The following EPCAM variants were observed in gnomAD, a reference collection of about 807,000 sequenced individuals.
The protein encoded by EPCAM is adenocarcinoma-associated antigen.
Under a neutral mutation model 40.0 loss-of-function variants are expected in EPCAM, and 39 were observed. That is an observed-to-expected ratio of 0.98 (90% CI 0.76 to 1.27). The LOEUF (loss-of-function observed/expected upper bound fraction) is 1.27. Ranked by LOEUF, EPCAM falls within the 50% of genes most tolerant of loss-of-function variation. The pLI, the probability that EPCAM is intolerant of heterozygous loss-of-function variation, is 0.00. For missense variants in EPCAM, 503 were observed against 381.2 expected (o/e 1.32, Z -2.66); for synonymous variants, 168 against 132.3 (o/e 1.27, Z -1.85).
Position 47,382,212 on chromosome 2 carries a change from C to T in EPCAM, c.858+2243C>T, listed in dbSNP as rs188787388. 1.4e-3 allele frequency among the ~76,000 whole-genome samples: 216 copies of T among 152,082 alleles called. No homozygotes were observed. The Middle Eastern group carries it at 0.044, about 31-fold the overall frequency. On this transcript the variant is annotated intron_variant, in intron 7 of 8. Transcript: ENST00000263735. ...ATACATAATATACAAAGAGTTCTTACAAATTGATGAGGAAACCTAAAGAAA... is the reference window on the plus strand; with the variant it reads ...ATACATAATATACAAAGAGTTCTTATAAATTGATGAGGAAACCTAAAGAAA...
At chr2:47,373,139 A>G (rs994670736) in intron 1 of EPCAM, among the ~76,000 whole-genome samples, 1 of 146,346 alleles carries the variant, frequency 6.8e-6, no homozygotes, top group African/African-American at 2.5e-5. Flanking sequence ...CTGTAGGTCC[A>G]TGCTGCAGTA....
Position 47,379,046 on chromosome 2 carries a change from G to T in EPCAM, c.649G>T (p.Glu217Ter). 6.4e-7 allele frequency: 1 copy of T among 1,552,060 alleles called. No homozygotes were observed. Residue 217 changes from glutamate (E) to a stop codon, truncating the protein, a stop_gained, in exon 6 of 9, where the codon GAA becomes TAA. Transcript: ENST00000263735. LOFTEE classifies it high-confidence loss of function. ...VDIADVAYYF[E>*]KDVKGESLFH... ...CATAGCTGATGTGGCTTATTATTTT[G>T]AAAAAGATGTGAGTATCATCTTCTT... is the stretch of plus-strand genomic sequence containing the variant.
chr2:47,371,419 C>T (rs1237948995), intron 1 of EPCAM, among the ~76,000 whole-genome samples: 2 of 152,196 alleles, frequency 1.3e-5, no homozygotes, highest in African/African-American at 4.8e-5. Flanking sequence ...AGCCACCGGT[C>T]CGGCATCTCT....
chr2:47,370,331 G>A (rs1671219325), intron 1 of EPCAM, among the ~76,000 whole-genome samples: 1 of 152,140 alleles, frequency 6.6e-6, no homozygotes, highest in Admixed American at 6.6e-5. Context: ...GAGTGCAATG[G>A]CGCGATCTCG....
Position 47,379,014 on chromosome 2 carries a change from A to G in EPCAM, c.617A>G (p.Asp206Gly). ...AATTCTTCTCAAAAAACTCAGAATG[A>G]TGTGGACATAGCTGATGTGGCTTAT... is the stretch of plus-strand genomic sequence containing the variant. Reference protein sequence around the residue: ...VQNSSQKTQNDVDIADVAYYF... With the variant: ...VQNSSQKTQNGVDIADVAYYF... Residue 206 changes from aspartate (D) to glycine (G), a missense_variant, in exon 6 of 9, where the codon GAT becomes GGT. By Grantham distance (94) the Asp-to-Gly change is moderately conservative. Coordinates refer to ENST00000263735, the MANE Select transcript of EPCAM (RefSeq NM_002354.3). The G allele has an allele frequency of 6.2e-7, 1 of 1,602,228 alleles. No homozygotes were observed. Among genetic ancestry groups the G allele is most frequent in the African/African-American group, 1.3e-5 (1 of 74,830 alleles).
chr2:47,381,879 G>T (rs2103762776), intron 7 of EPCAM, among the ~76,000 whole-genome samples: 1 of 152,190 alleles, frequency 6.6e-6, no homozygotes, highest in South Asian at 2.1e-4. Context: ...TAATCCTCCT[G>T]ACCTATCCTC....
At chr2:47,377,360 C>A (rs548494899) in intron 5 of EPCAM, among the ~76,000 whole-genome samples, 3 of 152,038 alleles carry the variant, frequency 2.0e-5, no homozygotes, top group Non-Finnish European at 4.4e-5. Flanking sequence ...CCTCAGCCTC[C>A]CGAGGAGCTG....
chr2:47,381,476 C>G (rs962034246), intron 7 of EPCAM, among the ~76,000 whole-genome samples: 1 of 151,490 alleles, frequency 6.6e-6, no homozygotes, highest in African/African-American at 2.4e-5. Flanking sequence ...CTTAGATTTC[C>G]AGTTCAATCA....
chr2:47,386,829 T>C lies in EPCAM; in HGVS notation c.*216T>C. On this transcript the variant is annotated 3_prime_UTR_variant, in exon 9 of 9. Coordinates refer to ENST00000263735, the MANE Select transcript of EPCAM (RefSeq NM_002354.3). ...CACAAGTGTCTTATATATGCAGATC[T>C]AATGTAAAATCCAGAACTTGGACTC... 1 of 411,254 alleles carries C rather than the reference T, an allele frequency of 2.4e-6. No individual in the cohort carries two copies. Among genetic ancestry groups the C allele is most frequent in the South Asian group, 6.2e-5 (1 of 16,014 alleles). 25.5% of individuals were successfully genotyped at this position (411,254 alleles called of 1,614,324 possible).
chr2:47,386,859 G>T lies in EPCAM; in HGVS notation c.*246G>T, dbSNP rs551199869. 1.1e-5 allele frequency: 4 copies of T among 364,940 alleles called. No homozygotes were observed. Among genetic ancestry groups the T allele is most frequent in the African/African-American group, 2.1e-5 (1 of 48,724 alleles). The allele number at this position is 364,940 out of a possible 1,614,324, so 22.6% of individuals were successfully genotyped here. On this transcript the variant is annotated 3_prime_UTR_variant, in exon 9 of 9. Coordinates refer to ENST00000263735, the MANE Select transcript of EPCAM (RefSeq NM_002354.3). ...TAAAATCCAGAACTTGGACTCCATCGTTAAAATTATTTATGTGTAACATTC... is the reference window on the plus strand; with the variant it reads ...TAAAATCCAGAACTTGGACTCCATCTTTAAAATTATTTATGTGTAACATTC...
rs763928496 is a variant in EPCAM, at chr2:47,385,201, G to A, written c.894G>A (p.Glu298=). The A allele has an allele frequency of 3.1e-6, 5 of 1,612,422 alleles. No individual in the cohort carries two copies. In the East Asian group the frequency reaches 8.9e-5, roughly 29 times the overall value. Reference sequence around the variant, plus strand: ...GAAAGAAGAGAATGGCAAAGTATGAGAAGGCTGAGGTAAATGGATTACTTA... The same window carrying A: ...GAAAGAAGAGAATGGCAAAGTATGAAAAGGCTGAGGTAAATGGATTACTTA... ...ISRKKRMAKY[E]KAEIKEMGEM... The change falls in exon 8 of 9, where the codon GAG becomes GAA. Residue 298 remains glutamate, a synonymous_variant. Coordinates refer to ENST00000263735, the MANE Select transcript of EPCAM (RefSeq NM_002354.3).
chr2:47,383,350 C>T, intron 7 of EPCAM: 1 of 151,968 alleles, frequency 6.6e-6, no homozygotes, highest in Non-Finnish European at 1.5e-5. Context: ...GTTGCCCTGG[C>T]TGGAGTGCAG....
chr2:47,369,363 C>G lies in EPCAM; in HGVS notation c.-143C>G. The G allele has an allele frequency of 8.3e-7, 1 of 1,205,782 alleles. No homozygotes were observed. The highest frequency in any genetic ancestry group is 1.1e-6 in the Non-Finnish European group (1 of 922,170). The allele number at this position is 1,205,782 out of a possible 1,614,324, so 74.7% of individuals were successfully genotyped here. A position where few individuals can be genotyped will look rare whatever the true frequency, so the allele number is the denominator to read the frequency against. On this transcript the variant is annotated 5_prime_UTR_variant, in exon 1 of 9. Transcript: ENST00000263735. The stretch of plus-strand genomic sequence containing the variant: ...GCACCTTCGACGCGGTCCGGGGACC[C>G]CCTCGTCGCTGTCCTCCCGACGCGG...
At chr2:47,380,072 T>A in intron 7 of EPCAM, 103 bp downstream of exon 7, 1 of 1,534,970 alleles carries the variant, frequency 6.5e-7, no homozygotes, top group Non-Finnish European at 8.8e-7. Flanking sequence ...TCCCTACACT[T>A]TGGGAGGCTG....
chr2:47,380,941 A>G lies in EPCAM; in HGVS notation c.858+972A>G, dbSNP rs191578743. Among the ~76,000 whole-genome samples the G allele has an allele frequency of 2.2e-3, 328 of 151,854 alleles. 1 individual carries two copies. Among genetic ancestry groups the G allele is most frequent in the African/African-American group, 7.7e-3 (317 of 41,374 alleles). Reference sequence around the variant, plus strand: ...CTGTCTCTACTGAACATACAAAAAAATTAGCTGGGCGTGGTGGCACATGCC... The same window carrying G: ...CTGTCTCTACTGAACATACAAAAAAGTTAGCTGGGCGTGGTGGCACATGCC... On this transcript the variant is annotated intron_variant, in intron 7 of 8. Coordinates refer to ENST00000263735, the MANE Select transcript of EPCAM (RefSeq NM_002354.3).
intron 3 of EPCAM, among the ~76,000 whole-genome samples, 161 bp from the exon 4 acceptor site, chr2:47,375,073 C>T (rs1057205654): frequency 6.6e-6 from 1 of 152,126 alleles, no homozygotes. Context: ...TGGGTGTGTC[C>T]TTTATGAAGG....
In EPCAM at chr2:47,371,821, G is replaced by C. The variant is rs1258504574; in HGVS notation, c.77-1642G>C. ...TGAGTTTAGTGTTGGGCAGATTAAAGGTGGTTCATATCGACTATAACTTGA... is the reference window on the plus strand; with the variant it reads ...TGAGTTTAGTGTTGGGCAGATTAAACGTGGTTCATATCGACTATAACTTGA... On this transcript the variant is annotated intron_variant, in intron 1 of 8. Transcript: ENST00000263735. Among the ~76,000 whole-genome samples the C allele has an allele frequency of 2.0e-5, 3 of 152,150 alleles. No homozygotes were observed. The East Asian group carries it at 5.8e-4, about 29-fold the overall frequency.
intron 7 of EPCAM, among the ~76,000 whole-genome samples, chr2:47,381,001 G>A (rs1246557475): frequency 3.6e-5 from 5 of 137,040 alleles, no homozygotes; most frequent in Non-Finnish European, 6.1e-5. Context: ...CAGGAGAATA[G>A]CTTGAACCTG....
chr2:47,371,905 C>G (rs1671279776), intron 1 of EPCAM, among the ~76,000 whole-genome samples: 1 of 152,136 alleles, frequency 6.6e-6, no homozygotes, highest in South Asian at 2.1e-4. Flanking sequence ...AATATAAAAA[C>G]TCTGGTTTGT....
Sources: allele counts gnomAD v4.1 joint callset (sites outside exome capture counted in the v4.1 genomes callset), GRCh38; gene constraint gnomAD v4.1.1; transcripts MANE v1.5; gene names NCBI Gene and HGNC (gene_info 2026-07-23, HGNC 2026-07-21).